Variants in NOC2L observed in about 807,000 individuals in gnomAD.
The protein encoded by NOC2L is nucleolar complex protein 2 homolog.
NOC2L carries 101 observed loss-of-function variants against 94.2 expected under a neutral mutation model. The observed-to-expected ratio is 1.07, with a 90% CI of 0.91 to 1.26. The LOEUF (loss-of-function observed/expected upper bound fraction) is 1.26, where lower values mean the gene tolerates loss of function less well. Among genes scored for constraint, NOC2L ranks in the 50% most tolerant of loss-of-function variants. The pLI, the probability that NOC2L is intolerant of heterozygous loss-of-function variation, is 0.00. For missense variants in NOC2L, 1,076 were observed against 980.1 expected, an observed-to-expected ratio of 1.10 and a Z score of -1.31; for synonymous variants, 531 against 413.4, an observed-to-expected ratio of 1.28 and a Z score of -3.45.
intron 6 of NOC2L, 36 bp downstream of exon 6, chr1:955,887 T>G: frequency 1.3e-5 from 19 of 1,468,882 alleles, no homozygotes; most frequent in Non-Finnish European, 1.6e-5. Context: ...CCGACCCACC[T>G]TCCACCCTAC....
intron 14 of NOC2L, among the ~76,000 whole-genome samples, chr1:947,810 C>T (rs996617173): frequency 1.3e-5 from 2 of 152,222 alleles, no homozygotes; most frequent in African/African-American, 4.8e-5. Flanking sequence ...GTGCGATCAG[C>T]GTACCAGCCT....
chr1:952,691 C>G (rs1283772203), intron 9 of NOC2L, 91 bp from the exon 10 acceptor site: 2 of 1,304,126 alleles, frequency 1.5e-6, no homozygotes, highest in Middle Eastern at 1.8e-4. Flanking sequence ...CTGGGCCTTT[C>G]CCTCAGAGCT....
intron 6 of NOC2L, 116 bp downstream of exon 6, chr1:955,807 A>G: frequency 2.2e-6 from 2 of 912,084 alleles, no homozygotes; most frequent in Non-Finnish European, 3.4e-6. Flanking sequence ...AGGGTCCCCA[A>G]GAAGACGCTG....
At chr1:945,743 G>A (rs1642088515) in intron 16 of NOC2L, 90 bp from the exon 17 acceptor site, 2 of 1,505,046 alleles carry the variant, frequency 1.3e-6, no homozygotes, top group Non-Finnish European at 1.8e-6. Flanking sequence ...CCACCACCAG[G>A]GCCCCATGTG....
intron 6 of NOC2L, 191 bp from the exon 7 acceptor site, chr1:954,273 T>A (rs1438227946): frequency 5.4e-6 from 3 of 559,294 alleles, no homozygotes; most frequent in African/African-American, 3.8e-5. Context: ...CCCTCTCAAG[T>A]GCATTAGCTC....
At chr1:957,078 T>C (rs200170329) in intron 3 of NOC2L, 21 bp downstream of exon 3, 137 of 1,613,870 alleles carry the variant, frequency 8.5e-5, no homozygotes, top group East Asian at 2.2e-5. Context: ...GCCCCCCTTC[T>C]GGTTTGGCCC....
rs1262530989 is a variant in NOC2L, at chr1:952,460, G to A, written c.1143C>T (p.Ile381=). ...TGCGCAGGTGTATGGCGAGCTGGCG[G>A]ATGTAGAGGAAGGCGTGCTGGTAGG... is the stretch of plus-strand genomic sequence containing the variant. The part of the protein sequence containing the change: ...GVAYQHAFLY[I]RQLAIHLRNA... Residue 381 remains isoleucine (I), a synonymous_variant, in exon 10 of 19, where the codon ATC becomes ATT. Transcript: ENST00000327044. The A allele has an allele frequency of 2.9e-5, 47 of 1,613,884 alleles. No individual in the cohort carries two copies. The highest frequency in any genetic ancestry group is 3.8e-5 in the Non-Finnish European group (45 of 1,180,018).
intron 12 of NOC2L, 128 bp downstream of exon 12, chr1:950,999 C>T: frequency 1.4e-6 from 1 of 727,088 alleles, no homozygotes; most frequent in Non-Finnish European, 2.5e-6. Context: ...GTCCTCGTGA[C>T]ACCCGTGACA....
At chr1:949,642 G>A (rs950013098) in intron 12 of NOC2L, among the ~76,000 whole-genome samples, 7 of 152,218 alleles carry the variant, frequency 4.6e-5, no homozygotes, top group Non-Finnish European at 8.8e-5. Context: ...AAGAGAGTAA[G>A]AAAGCACGTA....
intron 14 of NOC2L, chr1:946,815 T>G (rs927398721): frequency 2.9e-6 from 1 of 343,142 alleles, no homozygotes; most frequent in African/African-American, 2.1e-5. Context: ...CCCAGCACTT[T>G]GGGAGGCTGA....
In NOC2L at chr1:945,100, T is replaced by C. The variant is rs748044298; in HGVS notation, c.2100A>G (p.Glu700=). ...LSTRHGVEDD[E]EDEEEGEEDS... is the part of the protein sequence containing the mutation. ...CCTCCTCGCCCTCCTCCTCGTCCTC[T>C]TCATCGTCTTCCACCCCATGCCGAG... The change falls in exon 18 of 19, where the codon GAA becomes GAG. Residue 700 remains glutamate (E), a synonymous_variant. Coordinates refer to ENST00000327044, the MANE Select transcript of NOC2L (RefSeq NM_015658.4). 2.5e-6 allele frequency: 4 copies of C among 1,613,734 alleles called. No individual in the cohort carries two copies. Among genetic ancestry groups the C allele is most frequent in the Non-Finnish European group, 3.4e-6 (4 of 1,179,778 alleles).
intron 6 of NOC2L, among the ~76,000 whole-genome samples, 175 bp downstream of exon 6, chr1:955,748 C>T (rs536197931): frequency 6.6e-6 from 1 of 152,324 alleles, no homozygotes; most frequent in Admixed American, 6.5e-5. Flanking sequence ...CCAACTGGCC[C>T]CAAGTGCCCA....
chr1:951,066 C>T, intron 12 of NOC2L, 61 bp downstream of exon 12: 1 of 1,302,432 alleles, frequency 7.7e-7, no homozygotes, highest in Non-Finnish European at 1.1e-6. Flanking sequence ...ACGCCCGGAG[C>T]AGCAGATGCT....
rs911846591 is a variant in NOC2L, at chr1:954,323, G to A, written c.699-241C>T. On this transcript the variant is annotated intron_variant, in intron 6 of 18. Coordinates refer to ENST00000327044, the MANE Select transcript of NOC2L (RefSeq NM_015658.4). ...TTGAACTCCTGTCTGCCCTGCCCAG[G>A]GTTGGCCACCGCCCTAAGAGTCCCC... 5.8e-6 allele frequency: 3 copies of A among 513,522 alleles called. No individual in the cohort carries two copies. In the East Asian group the frequency reaches 9.5e-5, roughly 16 times the overall value. 31.8% of individuals were successfully genotyped at this position (513,522 alleles called of 1,614,324 possible). A position where few individuals can be genotyped will look rare whatever the true frequency, so the allele number is the denominator to read the frequency against.
chr1:951,112 C>A lies in NOC2L; in HGVS notation c.1443+15G>T. 6.4e-7 allele frequency: 1 copy of A among 1,554,088 alleles called. No individual in the cohort carries two copies. Among genetic ancestry groups the A allele is most frequent in the East Asian group, 2.4e-5 (1 of 41,788 alleles). On this transcript the variant is annotated intron_variant, in intron 12 of 18. Transcript: ENST00000327044. ...GCAGGCAGAGGTGCCACACGCCCAC[C>A]ACAGCCTCACTCACCTCCAGGATGA...
In NOC2L at chr1:953,868, T is replaced by C; in HGVS notation, c.802A>G (p.Thr268Ala). ...IQLVSCLSET[T>A]VLAAVLRHIS... ...TGCCGCAGCACGGCCGCCAACACCG[T>C]CGTCTCCGACAGACAGGACACCAGC... Residue 268 changes from threonine to alanine, a missense_variant, in exon 8 of 19, where the codon ACG becomes GCG. Around this residue, in one of 3 missense-constraint regions of NOC2L, gnomAD observed 457 missense variants for 386.0 expected, o/e 1.18. Coordinates refer to ENST00000327044, the MANE Select transcript of NOC2L (RefSeq NM_015658.4). 1 of 1,613,184 alleles carries C rather than the reference T, an allele frequency of 6.2e-7. No homozygotes were observed. The highest frequency in any genetic ancestry group is 1.1e-5 in the South Asian group (1 of 91,082).
chr1:950,312 C>T (rs1471508451), intron 12 of NOC2L, among the ~76,000 whole-genome samples: 5 of 151,984 alleles, frequency 3.3e-5, no homozygotes, highest in South Asian at 2.1e-4. Flanking sequence ...CATAGATGCA[C>T]GCAGACACAC....
intron 17 of NOC2L, 143 bp downstream of exon 17, chr1:945,375 T>A: frequency 9.2e-7 from 1 of 1,091,790 alleles, no homozygotes; most frequent in Non-Finnish European, 1.3e-6. Flanking sequence ...ACCAGAAGCC[T>A]GGCAACACTG....
At chr1:952,202 T>A in intron 10 of NOC2L, 63 bp from the exon 11 acceptor site, 1 of 1,583,434 alleles carries the variant, frequency 6.3e-7, no homozygotes, top group African/African-American at 1.3e-5. Context: ...TGCACGTTCC[T>A]CCTGGGCCGG....
Sources: gnomAD v4.1 joint callset for allele counts (sites outside exome capture counted in the v4.1 genomes callset) on GRCh38, gnomAD v4.1.1 for gene constraint, gnomAD v4.1.1 regional missense constraint, MANE v1.5 for transcripts, NCBI Gene and HGNC (gene_info 2026-07-23, HGNC 2026-07-21) for gene names.